Variants in NFIA observed in about 807,000 individuals in gnomAD.
NFIA encodes the protein nuclear factor I A.
NFIA carries 8 observed loss-of-function variants against 62.8 expected under a neutral mutation model. The ratio of observed to expected loss-of-function variants is 0.13; its 90% CI spans 0.07 to 0.23. The LOEUF (loss-of-function observed/expected upper bound fraction) is 0.23. Ranked by LOEUF, NFIA falls within the 10% of genes least tolerant of loss-of-function variation. NFIA has a pLI of 1.00. For synonymous variants in NFIA, 235 were observed against 238.1 expected (o/e 0.99, Z 0.12); for missense variants, 410 against 642.1 (o/e 0.64, Z 3.91).
At chr1:61,105,257 G>A (rs994115239) in intron 2 of NFIA, among the ~76,000 whole-genome samples, 1 of 151,876 alleles carries the variant, frequency 6.6e-6, no homozygotes, top group African/African-American at 2.4e-5. Flanking sequence ...ATTTTCTTAC[G>A]ATAACTCAAA....
chr1:61,226,642 T>A (rs1487442793), intron 2 of NFIA, among the ~76,000 whole-genome samples: 1 of 152,172 alleles, frequency 6.6e-6, no homozygotes, highest in Admixed American at 6.5e-5. Flanking sequence ...AACCAACCCC[T>A]CCCATCTTTT....
At chr1:61,154,992 C>T (rs1472110109) in intron 2 of NFIA, among the ~76,000 whole-genome samples, 1 of 152,178 alleles carries the variant, frequency 6.6e-6, no homozygotes, top group African/African-American at 2.4e-5. Flanking sequence ...GGGTTTAATT[C>T]TGTCTTGGTT....
intron 2 of NFIA, among the ~76,000 whole-genome samples, chr1:61,108,998 CTGA>C (rs955812731): frequency 6.6e-6 from 1 of 151,802 alleles, no homozygotes; most frequent in Non-Finnish European, 1.5e-5. Flanking sequence ...ATATTTCATA[CTGA>C]TGAGATTTTT....
chr1:61,328,723 A>AT (rs35979153), intron 3 of NFIA, among the ~76,000 whole-genome samples: 20,619 of 108,864 alleles, frequency 0.19, 2,812 homozygotes, highest in African/African-American at 0.4. Context: ...CCGGCCTATA[A>AT]TTTTTTTTTT....
chr1:61,081,680 T>G (rs569863217), upstream of NFIA: 117 of 533,502 alleles, frequency 2.2e-4, no homozygotes, highest in South Asian at 1.1e-3. Context: ...CTCATTAATC[T>G]CCGCCTTCTT....
chr1:61,139,574 G>GC (rs1647344601), intron 2 of NFIA, among the ~76,000 whole-genome samples: 1 of 152,154 alleles, frequency 6.6e-6, no homozygotes, highest in Non-Finnish European at 1.5e-5. Flanking sequence ...ATACAGATCA[G>GC]CATTTCCTAA....
intron 2 of NFIA, among the ~76,000 whole-genome samples, chr1:61,138,692 T>G (rs927323405): frequency 6.6e-6 from 1 of 151,692 alleles, no homozygotes; most frequent in Non-Finnish European, 1.5e-5. Flanking sequence ...GAAATCTCCC[T>G]CCTCAGCCTC....
intron 4 of NFIA, among the ~76,000 whole-genome samples, chr1:61,344,170 A>G (rs934829712): frequency 1.3e-5 from 2 of 152,228 alleles, no homozygotes; most frequent in Non-Finnish European, 2.9e-5. Context: ...TTCCAAGTTA[A>G]TTCCCTTTAA....
intron 2 of NFIA, among the ~76,000 whole-genome samples, chr1:61,098,030 G>C (rs1646446651): frequency 6.6e-6 from 1 of 152,144 alleles, no homozygotes; most frequent in Non-Finnish European, 1.5e-5. Flanking sequence ...CATTCCAAAT[G>C]AATGAGGGAT....
intron 10 of NFIA, among the ~76,000 whole-genome samples, chr1:61,447,210 C>T (rs1667850504): frequency 6.6e-6 from 1 of 152,168 alleles, no homozygotes; most frequent in Admixed American, 6.5e-5. Context: ...GCTGCTTCTT[C>T]ATTTTTTGCC....
chr1:61,383,680 G>A (rs974836591), intron 7 of NFIA, among the ~76,000 whole-genome samples: 6 of 151,666 alleles, frequency 4.0e-5, no homozygotes, highest in African/African-American at 1.2e-4. Flanking sequence ...GTGTGTGTGA[G>A]AGAGAGAGAC....
chr1:61,340,185 T>G (rs1661823981), intron 4 of NFIA, among the ~76,000 whole-genome samples: 1 of 152,208 alleles, frequency 6.6e-6, no homozygotes, highest in Non-Finnish European at 1.5e-5. Flanking sequence ...TATAAAGATT[T>G]GAACTGGGGA....
intron 2 of NFIA, among the ~76,000 whole-genome samples, chr1:61,239,367 T>C (rs923543610): frequency 1.3e-5 from 2 of 152,208 alleles, no homozygotes; most frequent in African/African-American, 4.8e-5. Context: ...GTGATGTCTG[T>C]TAAAAAGTGT....
At chr1:61,102,439 A>T (rs187382956) in intron 2 of NFIA, among the ~76,000 whole-genome samples, 1 of 152,304 alleles carries the variant, frequency 6.6e-6, no homozygotes. Flanking sequence ...ATGAAAGCTT[A>T]AAAAATTTGA....
At position 61,426,540 on chromosome 1, in the gene NFIA, T is replaced by C; in HGVS notation, c.1496T>C (p.Ile499Thr). The change falls in exon 10 of 11, where the codon ATC becomes ACC. Residue 499 changes from isoleucine to threonine, a missense_variant. Ile to Thr is a moderately conservative substitution (Grantham distance 89). Transcript: ENST00000403491. ...VGPRDPSFVN[I>T]PQQTQSWYLG is the part of the protein sequence containing the mutation. ...CCACGGGATCCAAGCTTTGTAAATA[T>C]CCCTCAACAGACACAGGTGGGCCGC... 6.4e-7 allele frequency: 1 copy of C among 1,551,652 alleles called. No homozygotes were observed. The highest frequency in any genetic ancestry group is 8.7e-7 in the Non-Finnish European group (1 of 1,146,810).
chr1:61,296,120 G>T (rs1431380966), intron 3 of NFIA, among the ~76,000 whole-genome samples: 2 of 152,142 alleles, frequency 1.3e-5, no homozygotes, highest in African/African-American at 4.8e-5. Context: ...GGCATTCTAA[G>T]ATTTTCAAAC....
intron 2 of NFIA, among the ~76,000 whole-genome samples, chr1:61,164,997 C>CT (rs1192302926): frequency 6.6e-6 from 1 of 152,016 alleles, no homozygotes; most frequent in Non-Finnish European, 1.5e-5. Context: ...GCAGCCAGTG[C>CT]TTTATTTTTT....
chr1:61,417,966 G>A (rs375269295), intron 9 of NFIA, among the ~76,000 whole-genome samples: 1 of 152,108 alleles, frequency 6.6e-6, no homozygotes, highest in Non-Finnish European at 1.5e-5. Context: ...ACTCTATATA[G>A]AGAAGTTCAG....
At chr1:61,098,770 C>T (rs1189533070) in intron 2 of NFIA, among the ~76,000 whole-genome samples, 1 of 152,104 alleles carries the variant, frequency 6.6e-6, no homozygotes, top group Non-Finnish European at 1.5e-5. Flanking sequence ...TCTTAGCTTA[C>T]TGTATAGACA....
Sources: allele counts gnomAD v4.1 joint callset (sites outside exome capture counted in the v4.1 genomes callset), GRCh38; gene constraint gnomAD v4.1.1; transcripts MANE v1.5; gene names NCBI Gene and HGNC (gene_info 2026-07-23, HGNC 2026-07-21).